Variants in GNPDA1 observed in about 807,000 individuals in gnomAD.
GNPDA1 encodes GNPDA 1.
GNPDA1 carries 24 observed loss-of-function variants against 28.5 expected under a neutral mutation model. The ratio of observed to expected loss-of-function variants is 0.84; its 90% CI spans 0.61 to 1.19. The LOEUF (loss-of-function observed/expected upper bound fraction) is 1.19. Ranked by LOEUF, GNPDA1 falls within the 50% of genes most tolerant of loss-of-function variation. The pLI, the probability that GNPDA1 is intolerant of heterozygous loss-of-function variation, is 0.00. For missense variants in GNPDA1, 264 were observed against 367.3 expected (o/e 0.72, Z 2.30); for synonymous variants, 147 against 139.3 (o/e 1.06, Z -0.39).
Position 142,006,295 on chromosome 5 carries a change from G to A in GNPDA1, c.258C>T (p.His86=), listed in dbSNP as rs1454747644. 4.3e-6 allele frequency: 7 copies of A among 1,614,038 alleles called. No individual in the cohort carries two copies. Among genetic ancestry groups the A allele is most frequent in the Non-Finnish European group, 5.9e-6 (7 of 1,179,952 alleles). ...TGAAGAAGTTGTTCCACATGAAGGAGTGGTAACTCTCCGGGTGGTCTCGAG... is the reference window on the plus strand; with the variant it reads ...TGAAGAAGTTGTTCCACATGAAGGAATGGTAACTCTCCGGGTGGTCTCGAG... ...GLPRDHPESY[H]SFMWNNFFKH... Residue 86 remains histidine, a synonymous_variant, in exon 4 of 7, where the codon CAC becomes CAT. Transcript: ENST00000311337.
rs1258690844 is a variant in GNPDA1, at chr5:142,001,037, A to G, written c.*992T>C. On this transcript the variant is annotated 3_prime_UTR_variant, in exon 7 of 7. Transcript: ENST00000311337. ...CAGACCACACCATGTGAATTTAAGC[A>G]GGACTATTTTAAGTGGGGAAACAAT... The G allele has an allele frequency of 6.6e-6, 1 of 152,412 alleles. No individual in the cohort carries two copies. Among genetic ancestry groups the G allele is most frequent in the Non-Finnish European group, 1.5e-5 (1 of 68,054 alleles). 9.4% of individuals were successfully genotyped at this position (152,412 alleles called of 1,614,324 possible). A position where few individuals can be genotyped will look rare whatever the true frequency, so the allele number is the denominator to read the frequency against.
chr5:142,006,198 C>T lies in GNPDA1; in HGVS notation c.355G>A (p.Asp119Asn). 1 of 1,614,122 alleles carries T rather than the reference C, an allele frequency of 6.2e-7. No individual in the cohort carries two copies. ...GNAVDLQAEC[D>N]AFEEKIKAAG... ...GCCTTGATCTTCTCTTCAAAGGCAT[C>T]ACATTCTGCCTGTAGGTCGACTGCA... Residue 119 changes from aspartate to asparagine, a missense_variant, in exon 4 of 7, where the codon GAT (aspartate) becomes AAT (asparagine). Coordinates refer to ENST00000311337, the MANE Select transcript of GNPDA1 (RefSeq NM_005471.5).
In GNPDA1 at chr5:142,003,237, T is replaced by C. The variant is rs1285118208; in HGVS notation, c.620A>G (p.His207Arg). The C allele has an allele frequency of 1.2e-6, 2 of 1,612,364 alleles. No individual in the cohort carries two copies. Among genetic ancestry groups the C allele is most frequent in the Admixed American group, 3.4e-5 (2 of 59,658 alleles). The change falls in exon 6 of 7, where the codon CAC becomes CGC. Residue 207 changes from histidine (H) to arginine (R), a missense_variant. His to Arg is a conservative substitution (Grantham distance 29). Coordinates refer to ENST00000311337, the MANE Select transcript of GNPDA1 (RefSeq NM_005471.5). The surrounding 1 kb of genome is among the most constrained non-coding windows in gnomAD (Gnocchi z 4.0). ...REVMILITGA[H>R]KAFALYKAIE... Reference sequence around the variant, plus strand: ...GGCCTTGTACAGAGCAAATGCCTTGTGAGCACCTGTGATAAGGATCATCAC... The same window carrying C: ...GGCCTTGTACAGAGCAAATGCCTTGCGAGCACCTGTGATAAGGATCATCAC...
In GNPDA1 at chr5:142,007,959, G is replaced by C. The variant is rs1755849814; in HGVS notation, c.125-59C>G. On this transcript the variant is annotated intron_variant, in intron 2 of 6. Transcript: ENST00000311337. Reference sequence around the variant, plus strand: ...GCACCCCAAGTCTGGAAGCCCAGAGGGTTCACAGGAATAAGTCAGGGCTGC... The same window carrying C: ...GCACCCCAAGTCTGGAAGCCCAGAGCGTTCACAGGAATAAGTCAGGGCTGC... 1.1e-5 allele frequency: 10 copies of C among 913,118 alleles called. No homozygotes were observed. The East Asian group carries it at 2.2e-4, about 20-fold the overall frequency. 56.6% of individuals were successfully genotyped at this position (913,118 alleles called of 1,614,324 possible).
In GNPDA1 at chr5:142,006,197, T is replaced by C; in HGVS notation, c.356A>G (p.Asp119Gly). The C allele has an allele frequency of 6.2e-7, 1 of 1,614,096 alleles. No individual in the cohort carries two copies. Among genetic ancestry groups the C allele is most frequent in the Non-Finnish European group, 8.5e-7 (1 of 1,179,938 alleles). Residue 119 changes from aspartate to glycine, a missense_variant, in exon 4 of 7, where the codon GAT becomes GGT. Physicochemically the swap from Asp to Gly is moderately conservative, Grantham distance 94. Coordinates refer to ENST00000311337, the MANE Select transcript of GNPDA1 (RefSeq NM_005471.5). ...GNAVDLQAECDAFEEKIKAAG... is the reference protein window; with the variant it reads ...GNAVDLQAECGAFEEKIKAAG... ...AGCCTTGATCTTCTCTTCAAAGGCA[T>C]CACATTCTGCCTGTAGGTCGACTGC... is the stretch of plus-strand genomic sequence containing the variant.
chr5:142,012,130 C>T (rs1486198809), intron 1 of GNPDA1, 89 bp from the exon 2 acceptor site: 2 of 1,314,854 alleles, frequency 1.5e-6, no homozygotes, highest in East Asian at 4.8e-5. Flanking sequence ...TTCTCTTACC[C>T]AGCAACAATC....
chr5:142,012,836 C>A, intron 1 of GNPDA1, 159 bp downstream of exon 1: 1 of 164,614 alleles, frequency 6.1e-6, no homozygotes, highest in Non-Finnish European at 1.3e-5. Context: ...TACAGCGTGT[C>A]CCCCACCCCC....
In GNPDA1 at chr5:142,002,025, C is replaced by T. The variant is rs1596731617; in HGVS notation, c.*4G>A. 6.0e-6 allele frequency: 9 copies of T among 1,496,664 alleles called. No individual in the cohort carries two copies. In the East Asian group the frequency reaches 1.8e-4, roughly 30 times the overall value. 92.7% of individuals were successfully genotyped at this position (1,496,664 alleles called of 1,614,324 possible). A position where few individuals can be genotyped will look rare whatever the true frequency, so the allele number is the denominator to read the frequency against. On this transcript the variant is annotated 3_prime_UTR_variant, in exon 7 of 7. Coordinates refer to ENST00000311337, the MANE Select transcript of GNPDA1 (RefSeq NM_005471.5). ...GGGTACTTGACACTAGGTCCCAGCA[C>T]AGGCTAATCGCTGTATGGTTTCTTC... is the stretch of plus-strand genomic sequence containing the variant.
chr5:142,004,363 G>A (rs1004464535), intron 5 of GNPDA1, among the ~76,000 whole-genome samples: 1 of 152,196 alleles, frequency 6.6e-6, no homozygotes, highest in Non-Finnish European at 1.5e-5. Context: ...GAAAGGAAGA[G>A]AAAATGCTTC....
rs573407593 is a variant in GNPDA1 at position 142,010,455 on chromosome 5, G to A, written c.124+1457C>T. On this transcript the variant is annotated intron_variant, in intron 2 of 6. Transcript: ENST00000311337. ...ATTACAGGCGTGAGCCACCACACCC[G>A]GCCCTGTGGCCTGTTTTTATACAGC... Among the ~76,000 whole-genome samples the A allele has an allele frequency of 2.2e-4, 33 of 151,904 alleles. No individual in the cohort carries two copies. The East Asian group carries it at 4.9e-3, about 22-fold the overall frequency.
intron 3 of GNPDA1, among the ~76,000 whole-genome samples, chr5:142,007,464 C>T (rs1219557424): frequency 6.6e-6 from 1 of 152,072 alleles, no homozygotes; most frequent in Non-Finnish European, 1.5e-5. Context: ...GCCAGGATCC[C>T]ACTTGCAATC....
intron 5 of GNPDA1, among the ~76,000 whole-genome samples, chr5:142,004,692 T>C (rs1187618903): frequency 6.6e-6 from 1 of 152,236 alleles, no homozygotes; most frequent in Non-Finnish European, 1.5e-5. Context: ...GAGAGCCTGC[T>C]GTCTCAGGCA....
intron 1 of GNPDA1, chr5:142,012,573 T>A (rs1181240918): frequency 6.2e-6 from 1 of 161,342 alleles, no homozygotes; most frequent in Non-Finnish European, 1.3e-5. Context: ...GGTCATGGGA[T>A]CATGCTGGGC....
At position 142,003,578 on chromosome 5, in the gene GNPDA1, C is replaced by T. The variant is rs1328213371; in HGVS notation, c.595-316G>A. Among the ~76,000 whole-genome samples, 3 of 152,174 alleles carry T rather than the reference C, an allele frequency of 2.0e-5. No homozygotes were observed. Among genetic ancestry groups the T allele is most frequent in the Non-Finnish European group, 4.4e-5 (3 of 68,028 alleles). ...GATGACTATGAAGGTGCCCTGTAAA[C>T]AGACATGCCATGCCCAGGCCTGCTA... On this transcript the variant is annotated intron_variant, in intron 5 of 6. Transcript: ENST00000311337. The surrounding 1 kb of genome is among the most constrained non-coding windows in gnomAD (Gnocchi z 4.0).
intron 3 of GNPDA1, among the ~76,000 whole-genome samples, chr5:142,006,747 C>T (rs986497106): frequency 2.0e-5 from 3 of 152,122 alleles, no homozygotes; most frequent in African/African-American, 7.2e-5. Flanking sequence ...AGTTCTACCC[C>T]ACTCAGCCTG....
intron 2 of GNPDA1, among the ~76,000 whole-genome samples, chr5:142,011,452 T>C (rs1755953038): frequency 6.6e-6 from 1 of 152,176 alleles, no homozygotes; most frequent in African/African-American, 2.4e-5. Flanking sequence ...ATTAGAACTG[T>C]TTTTTATTTA....
intron 2 of GNPDA1, 55 bp from the exon 3 acceptor site, chr5:142,007,955 A>T (rs2232195): frequency 1.0e-6 from 1 of 971,814 alleles, no homozygotes; most frequent in Non-Finnish European, 1.7e-6. Context: ...CTGGAAGCCC[A>T]GAGGGTTCAC....
At chr5:142,006,011 C>T (rs1755793542) in intron 4 of GNPDA1, 133 bp downstream of exon 4, 2 of 690,726 alleles carry the variant, frequency 2.9e-6, no homozygotes. Context: ...CCAGGCAGGG[C>T]CCATTTCTCC....
chr5:142,002,960 T>C lies in GNPDA1; in HGVS notation c.769+128A>G, dbSNP rs1755712954. On this transcript the variant is annotated intron_variant, in intron 6 of 6. Transcript: ENST00000311337. ...GAAATGACTGTGTAGTGTGATGCAG[T>C]TGGGTTTGATATTTCTTAAGATTAC... is the stretch of plus-strand genomic sequence containing the variant. 2.0e-5 allele frequency: 14 copies of C among 689,542 alleles called. No individual in the cohort carries two copies. The South Asian group carries it at 2.6e-4, about 13-fold the overall frequency. The allele number at this position is 689,542 out of a possible 1,614,324, so 42.7% of individuals were successfully genotyped here.
Sources: gnomAD v4.1 joint callset for allele counts (sites outside exome capture counted in the v4.1 genomes callset) on GRCh38, gnomAD v4.1.1 for gene constraint, Gnocchi (gnomAD v3.1) non-coding constraint, MANE v1.5 for transcripts, NCBI Gene and HGNC (gene_info 2026-07-23, HGNC 2026-07-21) for gene names.